The following RBFOX1 variants were observed in gnomAD, a reference collection of about 807,000 sequenced individuals.
RBFOX1 encodes RNA binding protein fox-1 homolog 1.
Under a neutral mutation model 57.7 loss-of-function variants are expected in RBFOX1, and 8 were observed. The observed-to-expected ratio is 0.14, with a 90% CI of 0.08 to 0.25. The LOEUF (loss-of-function observed/expected upper bound fraction) is 0.25. Ranked by LOEUF, RBFOX1 falls within the 10% of genes least tolerant of loss-of-function variation. The probability of loss-of-function intolerance (pLI) is 1.00; values close to 1 mark genes in which losing one functional copy is unlikely to be tolerated. For missense variants in RBFOX1, 611 were observed against 548.5 expected (o/e 1.11, Z -1.14); for synonymous variants, 326 against 222.4 (o/e 1.47, Z -4.15).
At chr16:6,376,113 C>T (rs146625631) in intron 2 of RBFOX1, among the ~76,000 whole-genome samples, 69 of 152,262 alleles carry the variant, frequency 4.5e-4, no homozygotes, top group African/African-American at 1.6e-3. Context: ...TTACAATGAG[C>T]TCTCATATCA....
chr16:6,070,452 A>G (rs1008826266), intron 1 of RBFOX1, among the ~76,000 whole-genome samples: 2 of 152,224 alleles, frequency 1.3e-5, no homozygotes, highest in Non-Finnish European at 2.9e-5. Flanking sequence ...AAAGATAAGC[A>G]TAGCCCAAAC....
At chr16:7,640,449 G>A (rs932344510) in intron 11 of RBFOX1, among the ~76,000 whole-genome samples, 1 of 152,212 alleles carries the variant, frequency 6.6e-6, no homozygotes, top group African/African-American at 2.4e-5. Flanking sequence ...CCCATGGTGT[G>A]CCCCCAAACA....
At chr16:6,483,217 C>G (rs2095402357) in intron 2 of RBFOX1, 1 of 1,213,854 alleles carries the variant, frequency 8.2e-7, no homozygotes, top group Middle Eastern at 3.4e-4. Flanking sequence ...GCCGGGGAAG[C>G]CGGACCCGGG....
At chr16:6,917,516 C>G (rs1266681173) in intron 3 of RBFOX1, among the ~76,000 whole-genome samples, 1 of 151,558 alleles carries the variant, frequency 6.6e-6, no homozygotes, top group Non-Finnish European at 1.5e-5. Flanking sequence ...TAGAAACACT[C>G]TGTCCAAAGG....
At chr16:6,442,691 C>G (rs1473438466) in intron 2 of RBFOX1, among the ~76,000 whole-genome samples, 1 of 152,176 alleles carries the variant, frequency 6.6e-6, no homozygotes, top group Non-Finnish European at 1.5e-5. Flanking sequence ...ATATCAGTCT[C>G]CCTGTCTTTT....
At chr16:6,825,199 C>G (rs1037063827) in intron 3 of RBFOX1, among the ~76,000 whole-genome samples, 1 of 149,762 alleles carries the variant, frequency 6.7e-6, no homozygotes, top group African/African-American at 2.5e-5. Context: ...GGGGGGCTGA[C>G]GTGTTTTGGG....
At chr16:6,724,567 G>C (rs1277289999) in intron 3 of RBFOX1, among the ~76,000 whole-genome samples, 1 of 152,014 alleles carries the variant, frequency 6.6e-6, no homozygotes, top group African/African-American at 2.4e-5. Flanking sequence ...CCAGGATCTT[G>C]ATCTTGGACT....
At chr16:6,909,239 T>C (rs1423068896) in intron 3 of RBFOX1, among the ~76,000 whole-genome samples, 3 of 152,168 alleles carry the variant, frequency 2.0e-5, no homozygotes, top group Non-Finnish European at 4.4e-5. Context: ...ATTACATGGC[T>C]CATGGCCCTT....
chr16:6,650,363 G>A (rs993312874), intron 2 of RBFOX1, among the ~76,000 whole-genome samples: 3 of 152,040 alleles, frequency 2.0e-5, no homozygotes, highest in Admixed American at 6.6e-5. Flanking sequence ...AAATTATGTG[G>A]ACTGACCAAA....
At chr16:5,910,346 C>T (rs2058574768) in intron 4 of RBFOX1, among the ~76,000 whole-genome samples, 1 of 152,114 alleles carries the variant, frequency 6.6e-6, no homozygotes, top group African/African-American at 2.4e-5. Flanking sequence ...AAATTCAGTG[C>T]ACCCTCTAGG....
rs561672279 is a variant in RBFOX1 at position 5,656,207 on chromosome 16, A to G, written c.318+57246A>G. On this transcript the variant is annotated intron_variant, in intron 3 of 19. Transcript: ENST00000641259. ...TGTAGGCAAATCATTTGGACTTCCT[A>G]TAGTTTTGAGTTTCTTATTTTATAA... is the stretch of plus-strand genomic sequence containing the variant. Among the ~76,000 whole-genome samples, 61 of 152,278 alleles carry G rather than the reference A, an allele frequency of 4.0e-4. 3 individuals carry two copies. In the South Asian group the frequency reaches 0.011, roughly 27 times the overall value.
At chr16:7,411,095 G>T (rs2098420441) in intron 4 of RBFOX1, among the ~76,000 whole-genome samples, 1 of 152,050 alleles carries the variant, frequency 6.6e-6, no homozygotes, top group Admixed American at 6.5e-5. Context: ...ACAGGCGTGA[G>T]CCACCATGCC....
chr16:6,362,593 G>A (rs1221631568), intron 2 of RBFOX1, among the ~76,000 whole-genome samples: 1 of 152,158 alleles, frequency 6.6e-6, no homozygotes, highest in African/African-American at 2.4e-5. Context: ...GTGCAAATTA[G>A]ATTAGGTTAA....
chr16:7,113,225 C>T (rs564944860), intron 4 of RBFOX1, among the ~76,000 whole-genome samples: 13 of 152,270 alleles, frequency 8.5e-5, no homozygotes, highest in Admixed American at 8.5e-4. Context: ...TCTGCATATT[C>T]TGTGGAGTTG....
intron 4 of RBFOX1, among the ~76,000 whole-genome samples, chr16:7,446,212 T>C (rs1319242934): frequency 6.6e-6 from 1 of 152,184 alleles, no homozygotes; most frequent in African/African-American, 2.4e-5. Context: ...GTTATTAAAG[T>C]TGGCTCTTGA....
At chr16:5,253,691 T>C (rs2062513308) in intron 1 of RBFOX1, among the ~76,000 whole-genome samples, 1 of 152,196 alleles carries the variant, frequency 6.6e-6, no homozygotes, top group African/African-American at 2.4e-5. Context: ...ACAGACAGGG[T>C]CTCAATTTCT....
chr16:7,634,071 A>G (rs1404267564), intron 11 of RBFOX1, among the ~76,000 whole-genome samples: 1 of 152,212 alleles, frequency 6.6e-6, no homozygotes, highest in Non-Finnish European at 1.5e-5. Context: ...CGATTTGCAC[A>G]GGGCTGAGAG....
At chr16:7,607,875 T>C (rs1422892112) in intron 10 of RBFOX1, among the ~76,000 whole-genome samples, 2 of 152,222 alleles carry the variant, frequency 1.3e-5, no homozygotes, top group Non-Finnish European at 2.9e-5. Context: ...TCTCTCTACT[T>C]TGCCTTCCAG....
At chr16:5,378,154 A>C (rs1388521382) in intron 1 of RBFOX1, among the ~76,000 whole-genome samples, 1 of 151,564 alleles carries the variant, frequency 6.6e-6, no homozygotes, top group Non-Finnish European at 1.5e-5. Flanking sequence ...GCAGTTGTTG[A>C]AGGTGTGTGC....
Sources: gnomAD v4.1 joint callset for allele counts (sites outside exome capture counted in the v4.1 genomes callset) on GRCh38, gnomAD v4.1.1 for gene constraint, MANE v1.5 for transcripts, NCBI Gene and HGNC (gene_info 2026-07-23, HGNC 2026-07-21) for gene names.